Variants in C8orf34 observed in about 807,000 individuals in gnomAD.
C8orf34 encodes the protein chromosome 8 open reading frame 34, also known as uncharacterized protein C8orf34.
C8orf34 carries 65 observed loss-of-function variants against 68.3 expected under a neutral mutation model. That is an observed-to-expected ratio of 0.95 (90% CI 0.78 to 1.17). C8orf34 has a LOEUF of 1.17. Ranked by LOEUF, C8orf34 falls within the 50% of genes most tolerant of loss-of-function variation. The pLI, the probability that C8orf34 is intolerant of heterozygous loss-of-function variation, is 0.00. For synonymous variants in C8orf34, 244 were observed against 241.2 expected (o/e 1.01, Z -0.11); for missense variants, 664 against 655.4 (o/e 1.01, Z -0.14).
At chr8:68,663,656 T>C (rs1819752540) in intron 8 of C8orf34, among the ~76,000 whole-genome samples, 1 of 152,144 alleles carries the variant, frequency 6.6e-6, no homozygotes, top group African/African-American at 2.4e-5. Flanking sequence ...TCAGGATACT[T>C]AGGTGTCAGG....
At chr8:68,469,811 C>G (rs1183958830) in intron 4 of C8orf34, among the ~76,000 whole-genome samples, 2 of 151,768 alleles carry the variant, frequency 1.3e-5, no homozygotes, top group Non-Finnish European at 2.9e-5. Flanking sequence ...ATTGCAGAAT[C>G]TTACTAATTT....
chr8:68,524,607 A>G (rs999125878), intron 6 of C8orf34, among the ~76,000 whole-genome samples: 15 of 152,326 alleles, frequency 9.8e-5, no homozygotes, highest in Admixed American at 8.5e-4. Context: ...GTGTTGGGAA[A>G]TGATTGAAGT....
chr8:68,677,633 G>A (rs1820234720), intron 8 of C8orf34, among the ~76,000 whole-genome samples: 1 of 151,998 alleles, frequency 6.6e-6, no homozygotes, highest in East Asian at 1.9e-4. Flanking sequence ...TGGGATTGCA[G>A]GCATGAGCCA....
intron 7 of C8orf34, among the ~76,000 whole-genome samples, chr8:68,597,837 T>C (rs767576022): frequency 1.4e-4 from 22 of 152,144 alleles, no homozygotes; most frequent in Admixed American, 3.9e-4. Context: ...TATGTCTTAG[T>C]TGTAACTTTG....
At chr8:68,708,656 G>C (rs189047399) in intron 8 of C8orf34, among the ~76,000 whole-genome samples, 87 of 152,292 alleles carry the variant, frequency 5.7e-4, no homozygotes, top group Non-Finnish European at 1.0e-3. Flanking sequence ...AGCACACTGT[G>C]TTGGCCTCTT....
At chr8:68,710,718 G>A (rs1176625475) in intron 9 of C8orf34, among the ~76,000 whole-genome samples, 3 of 152,070 alleles carry the variant, frequency 2.0e-5, no homozygotes, top group Non-Finnish European at 4.4e-5. Context: ...AAGACAAAGG[G>A]CACAGTTTCT....
chr8:68,361,481 G>A (rs1037334271), intron 1 of C8orf34, among the ~76,000 whole-genome samples: 2 of 152,196 alleles, frequency 1.3e-5, no homozygotes, highest in Non-Finnish European at 2.9e-5. Context: ...CTGAAGGAAG[G>A]ATCTGGACAT....
intron 4 of C8orf34, among the ~76,000 whole-genome samples, chr8:68,487,368 G>A (rs113351838): frequency 0.018 from 2,707 of 152,276 alleles, 80 homozygotes; most frequent in African/African-American, 0.062. Context: ...AGAGAAATAA[G>A]TTAAGGACTA....
chr8:68,414,749 T>C (rs1809593284), intron 1 of C8orf34, among the ~76,000 whole-genome samples: 1 of 152,166 alleles, frequency 6.6e-6, no homozygotes, highest in African/African-American at 2.4e-5. Flanking sequence ...CTTGAGAATA[T>C]TGAAGATGAT....
In C8orf34 at chr8:68,412,283, G is replaced by T. The variant is rs76453191; in HGVS notation, c.328-27216G>T. Among the ~76,000 whole-genome samples, 1,272 of 152,124 alleles carry T rather than the reference G, an allele frequency of 8.4e-3. 30 individuals carry two copies. Among genetic ancestry groups the T allele is most frequent in the African/African-American group, 0.029 (1,215 of 41,496 alleles). On this transcript the variant is annotated intron_variant, in intron 1 of 13. Coordinates refer to ENST00000518698, the MANE Select transcript of C8orf34 (RefSeq NM_052958.4). ...ATTTGGGATAATTTCTCTTTGAAAA[G>T]GAATATGCAAATTTAAATATTAATG...
At chr8:68,425,703 T>A (rs1810179403) in intron 1 of C8orf34, among the ~76,000 whole-genome samples, 1 of 145,824 alleles carries the variant, frequency 6.9e-6, no homozygotes, top group Non-Finnish European at 1.5e-5. Flanking sequence ...GAAAAGAGCC[T>A]AGAATAGCCA....
intron 5 of C8orf34, among the ~76,000 whole-genome samples, chr8:68,510,968 G>A (rs550718019): frequency 4.4e-4 from 67 of 152,274 alleles, no homozygotes; most frequent in African/African-American, 1.5e-3. Context: ...GCATAGATGA[G>A]GGTATGAGGC....
At chr8:68,541,701 G>A (rs892755419) in intron 7 of C8orf34, among the ~76,000 whole-genome samples, 9 of 152,126 alleles carry the variant, frequency 5.9e-5, no homozygotes, top group Non-Finnish European at 8.8e-5. Flanking sequence ...CTTCTTGATA[G>A]TTAAGTCTTA....
intron 7 of C8orf34, among the ~76,000 whole-genome samples, chr8:68,537,579 G>A (rs1815531548): frequency 6.9e-6 from 1 of 144,566 alleles, no homozygotes. Flanking sequence ...ACTGCTTAGA[G>A]TAGAAAAAAT....
At chr8:68,625,258 G>A (rs1818505760) in intron 7 of C8orf34, among the ~76,000 whole-genome samples, 1 of 152,038 alleles carries the variant, frequency 6.6e-6, no homozygotes, top group African/African-American at 2.4e-5. Context: ...AAGAGGCTAG[G>A]GCTGCTGGAT....
chr8:68,770,899 A>G (rs1823318731), intron 10 of C8orf34, among the ~76,000 whole-genome samples: 1 of 152,198 alleles, frequency 6.6e-6, no homozygotes, highest in Non-Finnish European at 1.5e-5. Context: ...ATGATACTGC[A>G]GAGTGAATCA....
At chr8:68,684,506 C>T (rs531664447) in intron 8 of C8orf34, among the ~76,000 whole-genome samples, 13 of 152,094 alleles carry the variant, frequency 8.5e-5, no homozygotes, top group Non-Finnish European at 1.6e-4. Flanking sequence ...GATAGCTAGC[C>T]ATTCTCCTTT....
chr8:68,506,749 C>T (rs1814040796), intron 5 of C8orf34, among the ~76,000 whole-genome samples: 1 of 152,132 alleles, frequency 6.6e-6, no homozygotes, highest in South Asian at 2.1e-4. Context: ...AAATCCTTTC[C>T]TACTTGGAGT....
chr8:68,533,704 G>T, intron 7 of C8orf34: 7 of 950,536 alleles, frequency 7.4e-6, no homozygotes, highest in Non-Finnish European at 8.8e-6. Context: ...TCTTGTATAT[G>T]TAGGATATCT....
Sources: allele counts gnomAD v4.1 joint callset (sites outside exome capture counted in the v4.1 genomes callset), GRCh38; gene constraint gnomAD v4.1.1; transcripts MANE v1.5; gene names NCBI Gene and HGNC (gene_info 2026-07-23, HGNC 2026-07-21).